PTPRD: variants seen among roughly 807,000 people sequenced by gnomAD.
PTPRD encodes protein tyrosine phosphatase receptor type D.
PTPRD carries 34 observed loss-of-function variants against 214.5 expected under a neutral mutation model. That is an observed-to-expected ratio of 0.16 (90% CI 0.12 to 0.21). PTPRD has a LOEUF of 0.21. Ranked by LOEUF, PTPRD falls within the 10% of genes least tolerant of loss-of-function variation. PTPRD has a pLI of 1.00. For missense variants in PTPRD, 2,545 were observed against 2,398.7 expected, an observed-to-expected ratio of 1.06 and a Z score of -1.27; for synonymous variants, 1,128 against 845.7, an observed-to-expected ratio of 1.33 and a Z score of -5.79.
In PTPRD at chr9:8,490,791, C is replaced by A. The variant is rs1388369029; in HGVS notation, c.2467+2071G>T. Among the ~76,000 whole-genome samples, 4 of 152,180 alleles carry A rather than the reference C, an allele frequency of 2.6e-5. No homozygotes were observed. In the East Asian group the frequency reaches 5.8e-4, roughly 22 times the overall value. On this transcript the variant is annotated intron_variant, in intron 27 of 45. Coordinates refer to ENST00000381196, the MANE Select transcript of PTPRD (RefSeq NM_002839.4). ...CAGTACTCGTTTCCAAGATATGATT[C>A]TTTACAGGTTGTAGAAACAAGGTAT... is the stretch of plus-strand genomic sequence containing the variant.
chr9:8,520,968 C>G (rs573364305), intron 20 of PTPRD, among the ~76,000 whole-genome samples: 1 of 152,110 alleles, frequency 6.6e-6, no homozygotes, highest in African/African-American at 2.4e-5. Flanking sequence ...CTGTACACAT[C>G]AGTCCCACCA....
At chr9:10,526,907 C>T (rs1028717288) in intron 2 of PTPRD, among the ~76,000 whole-genome samples, 1 of 152,098 alleles carries the variant, frequency 6.6e-6, no homozygotes, top group Admixed American at 6.6e-5. Flanking sequence ...TCTATGTGTT[C>T]ATCCTCATCT....
At chr9:9,082,598 A>G (rs1231818098) in intron 10 of PTPRD, among the ~76,000 whole-genome samples, 1 of 152,176 alleles carries the variant, frequency 6.6e-6, no homozygotes, top group African/African-American at 2.4e-5. Flanking sequence ...ATTAGAAAAG[A>G]GGAAGTCAAA....
intron 12 of PTPRD, among the ~76,000 whole-genome samples, chr9:8,703,148 G>C (rs2098127098): frequency 6.6e-6 from 1 of 152,178 alleles, no homozygotes; most frequent in African/African-American, 2.4e-5. Context: ...AGTGAATCTG[G>C]AAATCTATTT....
chr9:9,269,107 C>G (rs1941618907), intron 9 of PTPRD, among the ~76,000 whole-genome samples: 1 of 151,224 alleles, frequency 6.6e-6, no homozygotes, highest in Admixed American at 6.6e-5. Flanking sequence ...CTGCAAACCA[C>G]ATATTTAATA....
intron 5 of PTPRD, among the ~76,000 whole-genome samples, chr9:9,908,102 A>T (rs1183598015): frequency 2.6e-5 from 4 of 152,008 alleles, no homozygotes; most frequent in African/African-American, 9.7e-5. Flanking sequence ...CTTAGAATAG[A>T]AATGAGAAAA....
intron 5 of PTPRD, among the ~76,000 whole-genome samples, chr9:9,787,368 A>C (rs1009829170): frequency 6.6e-6 from 1 of 151,824 alleles, no homozygotes; most frequent in Non-Finnish European, 1.5e-5. Context: ...GATGACATAT[A>C]ACGCATTGAC....
intron 11 of PTPRD, among the ~76,000 whole-genome samples, chr9:8,913,473 A>G (rs1184274532): frequency 6.6e-6 from 1 of 152,122 alleles, no homozygotes; most frequent in African/African-American, 2.4e-5. Flanking sequence ...AAAATCAAGC[A>G]AAGTATATTA....
rs1388649190 is a variant in PTPRD, at chr9:8,695,962, G to C, written c.64+37818C>G. Reference sequence around the variant, plus strand: ...ACCACCTGCTCCAAACCAAAATCTAGATCAAAATAAATGTTATTGACTCCT... The same window carrying C: ...ACCACCTGCTCCAAACCAAAATCTACATCAAAATAAATGTTATTGACTCCT... On this transcript the variant is annotated intron_variant, in intron 12 of 45. Coordinates refer to ENST00000381196, the MANE Select transcript of PTPRD (RefSeq NM_002839.4). Among the ~76,000 whole-genome samples, 3 of 152,120 alleles carry C rather than the reference G, an allele frequency of 2.0e-5. 1 individual carries two copies. The highest frequency in any genetic ancestry group is 1.3e-4 in the Admixed American group (2 of 15,268).
chr9:8,427,696 T>A (rs748069858), intron 35 of PTPRD, among the ~76,000 whole-genome samples: 10 of 152,190 alleles, frequency 6.6e-5, no homozygotes, highest in South Asian at 4.2e-4. Context: ...TATTATTATT[T>A]TTTTTTACTG....
chr9:9,156,997 C>T (rs1050404866), intron 10 of PTPRD, among the ~76,000 whole-genome samples: 9 of 152,182 alleles, frequency 5.9e-5, no homozygotes, highest in African/African-American at 2.2e-4. Context: ...TCCAAAGCCT[C>T]TCCACATATT....
chr9:8,474,648 T>C (rs1298420831), intron 30 of PTPRD, among the ~76,000 whole-genome samples: 2 of 152,206 alleles, frequency 1.3e-5, no homozygotes, highest in Non-Finnish European at 2.9e-5. Context: ...CCTTCCATTT[T>C]CCACAGTAAC....
At chr9:10,210,297 GA>G (rs1336068865) in intron 3 of PTPRD, among the ~76,000 whole-genome samples, 1 of 151,980 alleles carries the variant, frequency 6.6e-6, no homozygotes, top group Non-Finnish European at 1.5e-5. Context: ...ACAGAGGAGA[GA>G]AAAAAATGTC....
intron 2 of PTPRD, among the ~76,000 whole-genome samples, chr9:10,570,056 A>C (rs1469113017): frequency 6.6e-6 from 1 of 152,146 alleles, no homozygotes; most frequent in African/African-American, 2.4e-5. Context: ...CAAATGTATA[A>C]AGTGTAAAAT....
At chr9:10,291,930 T>C (rs2095538940) in intron 3 of PTPRD, among the ~76,000 whole-genome samples, 1 of 152,040 alleles carries the variant, frequency 6.6e-6, no homozygotes, top group South Asian at 2.1e-4. Flanking sequence ...GTGGCAGTGA[T>C]GGCTGTTTTC....
intron 2 of PTPRD, among the ~76,000 whole-genome samples, chr9:10,572,528 G>A (rs760613981): frequency 1.3e-5 from 2 of 152,156 alleles, no homozygotes; most frequent in African/African-American, 2.4e-5. Flanking sequence ...CAAAAACAGT[G>A]ATGAAGGAAG....
intron 3 of PTPRD, among the ~76,000 whole-genome samples, chr9:10,296,586 C>A (rs2095681789): frequency 6.6e-6 from 1 of 152,096 alleles, no homozygotes; most frequent in Non-Finnish European, 1.5e-5. Context: ...TTAAAGCCTT[C>A]TTTCTTGTCA....
intron 23 of PTPRD, among the ~76,000 whole-genome samples, chr9:8,503,582 A>G (rs2097466888): frequency 6.6e-6 from 1 of 152,230 alleles, no homozygotes; most frequent in South Asian, 2.1e-4. Context: ...ATTAACCCCC[A>G]TTGTGATAAA....
At chr9:9,921,553 A>G (rs542176162) in intron 5 of PTPRD, among the ~76,000 whole-genome samples, 2 of 151,946 alleles carry the variant, frequency 1.3e-5, no homozygotes, top group South Asian at 4.1e-4. Flanking sequence ...GAAATAGAGT[A>G]TATTCAAGAG....
Sources: gnomAD v4.1 joint callset for allele counts (sites outside exome capture counted in the v4.1 genomes callset) on GRCh38, gnomAD v4.1.1 for gene constraint, MANE v1.5 for transcripts, NCBI Gene and HGNC (gene_info 2026-07-23, HGNC 2026-07-21) for gene names.